Variants in DNAH10 observed in about 807,000 individuals in gnomAD.
DNAH10 encodes axonemal beta dynein heavy chain 10.
DNAH10 carries 348 observed loss-of-function variants against 506.6 expected under a neutral mutation model. That is an observed-to-expected ratio of 0.69 (90% CI 0.63 to 0.75). The LOEUF (loss-of-function observed/expected upper bound fraction) is 0.75, where lower values mean the gene tolerates loss of function less well. Ranked by LOEUF, DNAH10 falls within the 30% of genes least tolerant of loss-of-function variation. The pLI, the probability that DNAH10 is intolerant of heterozygous loss-of-function variation, is 0.00. For missense variants in DNAH10, 5,179 were observed against 5,787.1 expected (o/e 0.89, Z 3.41); for synonymous variants, 2,059 against 2,198.6 (o/e 0.94, Z 1.78).
intron 26 of DNAH10, among the ~76,000 whole-genome samples, chr12:123,831,039 CTTAA>C (rs1432742634): frequency 2.6e-5 from 4 of 152,052 alleles, no homozygotes; most frequent in Admixed American, 1.3e-4. Context: ...ATAGAATTTC[CTTAA>C]TTAAATTTTT....
At position 123,933,445 on chromosome 12, in the gene DNAH10, T is replaced by C. The variant is rs764663150; in HGVS notation, c.13411T>C (p.Ser4471Pro). ...GAAGAACGGCTGGCCACTGGACCGC[T>C]CCACCTTGTTCACACAAGTGACCAA... Reference protein sequence around the residue: ...CRKNGWPLDRSTLFTQVTKFQ... With the variant: ...CRKNGWPLDRPTLFTQVTKFQ... The change falls in exon 77 of 79, where the codon TCC becomes CCC. Residue 4471 changes from serine to proline, a missense_variant. Around this residue, in one of 3 missense-constraint regions of DNAH10, gnomAD observed 4,844 missense variants for 5,430.5 expected, o/e 0.89. Coordinates refer to ENST00000673944, the MANE Select transcript of DNAH10 (RefSeq NM_001372106.1). The C allele has an allele frequency of 6.2e-7, 1 of 1,612,740 alleles. No individual in the cohort carries two copies. Among genetic ancestry groups the C allele is most frequent in the Admixed American group, 1.7e-5 (1 of 59,972 alleles).
At chr12:123,905,082 T>TC (rs1225641616) in intron 57 of DNAH10, among the ~76,000 whole-genome samples, 1 of 152,240 alleles carries the variant, frequency 6.6e-6, no homozygotes, top group Non-Finnish European at 1.5e-5. Context: ...AATCCTTTTT[T>TC]CCTTCTTTTA....
chr12:123,929,149 C>T, intron 70 of DNAH10, 126 bp from the exon 71 acceptor site: 1 of 940,276 alleles, frequency 1.1e-6, no homozygotes, highest in East Asian at 2.6e-5. Flanking sequence ...GAGACTTTAG[C>T]TATTGGAGGT....
In DNAH10 at chr12:123,898,678, ACTGGACAAG is replaced by A; in HGVS notation, c.9508_9516del (p.Asp3170_Leu3172del). ...CTCAGTGCAAGCGTCTGGATGGGGG[ACTGGACAAG>A]CTGAAGGAGGCCACCATCCAGCTGG... is the stretch of plus-strand genomic sequence containing the variant. On this transcript the variant is annotated inframe_deletion, in exon 56 of 79. Coordinates refer to ENST00000673944, the MANE Select transcript of DNAH10 (RefSeq NM_001372106.1). 1.3e-6 allele frequency: 2 copies of A among 1,593,276 alleles called. No homozygotes were observed. The highest frequency in any genetic ancestry group is 1.7e-6 in the Non-Finnish European group (2 of 1,170,196).
intron 2 of DNAH10, among the ~76,000 whole-genome samples, chr12:123,768,803 G>A (rs1412831547): frequency 6.6e-6 from 1 of 152,090 alleles, no homozygotes; most frequent in African/African-American, 2.4e-5. Context: ...GAGTGGTGCT[G>A]TCATAGCTCA....
At chr12:123,877,030 T>G (rs1952284092) in intron 47 of DNAH10, among the ~76,000 whole-genome samples, 1 of 152,196 alleles carries the variant, frequency 6.6e-6, no homozygotes, top group African/African-American at 2.4e-5. Context: ...TGGCACTTAG[T>G]CCATTCACAG....
rs796857137 is a variant in DNAH10, at chr12:123,910,797, C to T, written c.10134+125C>T. ...TCTGACTTCAAGCTGCATAAACTTT[C>T]CCTCCACCACCCAATAAATGGCAAT... On this transcript the variant is annotated intron_variant, in intron 59 of 78. Coordinates refer to ENST00000673944, the MANE Select transcript of DNAH10 (RefSeq NM_001372106.1). 9 of 1,227,424 alleles carry T rather than the reference C, an allele frequency of 7.3e-6. No homozygotes were observed. In the African/African-American group the frequency reaches 1.1e-4, roughly 15 times the overall value. 76.0% of individuals were successfully genotyped at this position (1,227,424 alleles called of 1,614,324 possible).
At position 123,871,444 on chromosome 12, in the gene DNAH10, A is replaced by C. The variant is rs1483224701; in HGVS notation, c.7640-13A>C. Reference sequence around the variant, plus strand: ...AGTTGCTGAGATGCCCCTGTTCCTAATGTCTACTTTAGTTCACACAGTGGA... The same window carrying C: ...AGTTGCTGAGATGCCCCTGTTCCTACTGTCTACTTTAGTTCACACAGTGGA... On this transcript the variant is annotated splice_polypyrimidine_tract_variant and intron_variant, in intron 44 of 78. Coordinates refer to ENST00000673944, the MANE Select transcript of DNAH10 (RefSeq NM_001372106.1). The C allele has an allele frequency of 6.3e-7, 1 of 1,585,092 alleles. No homozygotes were observed. Among genetic ancestry groups the C allele is most frequent in the African/African-American group, 1.3e-5 (1 of 74,408 alleles).
chr12:123,795,949 G>T (rs1958259500), intron 12 of DNAH10, among the ~76,000 whole-genome samples: 5 of 152,098 alleles, frequency 3.3e-5, no homozygotes, highest in Admixed American at 3.3e-4. Context: ...ATTATGCATA[G>T]CATGTTTATA....
At position 123,857,044 on chromosome 12, in the gene DNAH10, C is replaced by G; in HGVS notation, c.6439-12C>G. 1 of 1,597,622 alleles carries G rather than the reference C, an allele frequency of 6.3e-7. No individual in the cohort carries two copies. The highest frequency in any genetic ancestry group is 2.3e-5 in the East Asian group (1 of 43,776). On this transcript the variant is annotated splice_polypyrimidine_tract_variant and intron_variant, in intron 36 of 78. Coordinates refer to ENST00000673944, the MANE Select transcript of DNAH10 (RefSeq NM_001372106.1). ...GGAAATCTCTTGGAAACATGTGTTT[C>G]ATTTCCTGCAGGACGTGGTGCTGAT...
intron 51 of DNAH10, 39 bp downstream of exon 51, chr12:123,881,852 C>A: frequency 7.0e-7 from 1 of 1,432,394 alleles, no homozygotes; most frequent in Non-Finnish European, 9.2e-7. Flanking sequence ...GTTTACGATG[C>A]CAGTTTCTGC....
intron 53 of DNAH10, 87 bp downstream of exon 53, chr12:123,893,523 C>T (rs1953082509): frequency 6.7e-7 from 1 of 1,493,562 alleles, no homozygotes; most frequent in Non-Finnish European, 9.2e-7. Flanking sequence ...CCAGGTTCCC[C>T]CAGCAAAGCA....
intron 24 of DNAH10, among the ~76,000 whole-genome samples, chr12:123,822,026 C>T (rs1959466229): frequency 6.6e-6 from 1 of 152,122 alleles, no homozygotes; most frequent in East Asian, 1.9e-4. Flanking sequence ...GCCAACATGG[C>T]AAAACTCCAT....
At position 123,913,451 on chromosome 12, in the gene DNAH10, A is replaced by G; in HGVS notation, c.10352+136A>G. On this transcript the variant is annotated intron_variant, in intron 60 of 78. Coordinates refer to ENST00000673944, the MANE Select transcript of DNAH10 (RefSeq NM_001372106.1). The surrounding 1 kb of genome is among the most constrained non-coding windows in gnomAD (Gnocchi z 5.1). ...TGTGACCAGGTCTTATGTTCCTATT[A>G]TCATGTTTATGGCAGCTAATGGCTA... The G allele has an allele frequency of 1.1e-6, 1 of 926,158 alleles. No homozygotes were observed. The highest frequency in any genetic ancestry group is 1.6e-6 in the Non-Finnish European group (1 of 635,526). The allele number at this position is 926,158 out of a possible 1,614,324, so 57.4% of individuals were successfully genotyped here. A position where few individuals can be genotyped will look rare whatever the true frequency, so the allele number is the denominator to read the frequency against.
chr12:123,929,320 A>C lies in DNAH10; in HGVS notation c.12352A>C (p.Thr4118Pro), dbSNP rs748337546. The C allele has an allele frequency of 6.2e-7, 1 of 1,606,320 alleles. No individual in the cohort carries two copies. The highest frequency in any genetic ancestry group is 8.5e-7 in the Non-Finnish European group (1 of 1,176,466). Residue 4118 changes from threonine to proline, a missense_variant, in exon 71 of 79, where the codon ACT becomes CCT. Physicochemically the swap from Thr to Pro is conservative, Grantham distance 38. Transcript: ENST00000673944. ...TGGGCTGAAACTCAACATGAGGGCA[A>C]CTTACTTCAAGATCTCTCACGAAAT... ...PNGLKLNMRATYFKISHEMLD... is the reference protein window; with the variant it reads ...PNGLKLNMRAPYFKISHEMLD...
At chr12:123,802,430 C>T (rs573563564) in intron 16 of DNAH10, among the ~76,000 whole-genome samples, 7 of 152,220 alleles carry the variant, frequency 4.6e-5, no homozygotes, top group East Asian at 1.9e-4. Context: ...CTCAGCCTCC[C>T]GAGTAGCTTG....
chr12:123,785,832 C>T lies in DNAH10; in HGVS notation c.1317C>T (p.Ser439=). The T allele has an allele frequency of 1.2e-6, 2 of 1,614,084 alleles. No homozygotes were observed. Among genetic ancestry groups the T allele is most frequent in the East Asian group, 2.2e-5 (1 of 44,886 alleles). ...MSALRMVWII[S]RHYNKDERMI... is the part of the protein sequence containing the mutation. ...CCCTGCGGATGGTGTGGATCATCTC[C>T]CGACACTACAACAAAGACGAGAGGA... Residue 439 remains serine, a synonymous_variant, in exon 9 of 79, where the codon TCC becomes TCT. Transcript: ENST00000673944. The surrounding 1 kb of genome is among the most constrained non-coding windows in gnomAD (Gnocchi z 4.1).
Position 123,914,561 on chromosome 12 carries a change from C to T in DNAH10, c.10574+11C>T. 1.2e-6 allele frequency: 2 copies of T among 1,610,106 alleles called. No homozygotes were observed. Among genetic ancestry groups the T allele is most frequent in the Non-Finnish European group, 1.7e-6 (2 of 1,178,148 alleles). On this transcript the variant is annotated intron_variant, in intron 61 of 78. Coordinates refer to ENST00000673944, the MANE Select transcript of DNAH10 (RefSeq NM_001372106.1). ...TGTTGAGATCAGCAGGTGTGTGGCA[C>T]CCTGAGCCAGCAGGAGGGAGGGGAC...
chr12:123,813,655 T>C lies in DNAH10; in HGVS notation c.3621+15T>C, dbSNP rs547776308. ...AAGAGATGGAGGTACTCAATCGCTG[T>C]GTGTAATTGAAACTACTTTTCGTGT... On this transcript the variant is annotated intron_variant, in intron 20 of 78. Transcript: ENST00000673944. 4 of 1,612,884 alleles carry C rather than the reference T, an allele frequency of 2.5e-6. No individual in the cohort carries two copies. In the African/African-American group the frequency reaches 4.0e-5, roughly 16 times the overall value.
Sources: allele counts gnomAD v4.1 joint callset (sites outside exome capture counted in the v4.1 genomes callset), GRCh38; gene constraint gnomAD v4.1.1; regional missense constraint gnomAD v4.1.1; non-coding constraint Gnocchi (gnomAD v3.1); transcripts MANE v1.5; gene names NCBI Gene and HGNC (gene_info 2026-07-23, HGNC 2026-07-21).